DIDO1: variants seen among roughly 807,000 people sequenced by gnomAD.
DIDO1 encodes the protein death inducer-obliterator 1, also known as death-inducer obliterator 1.
In DIDO1, 16 loss-of-function variants were observed where a neutral mutation model predicts 99.4. That is an observed-to-expected ratio of 0.16 (90% CI 0.11 to 0.24). DIDO1 has a LOEUF of 0.24. Among genes scored for constraint, DIDO1 ranks in the 10% least tolerant of loss-of-function variants. DIDO1 has a pLI of 1.00. For missense variants in DIDO1, 2,996 were observed against 3,014.0 expected (o/e 0.99, Z 0.14); for synonymous variants, 1,366 against 1,239.1 (o/e 1.10, Z -2.15).
intron 1 of DIDO1, among the ~76,000 whole-genome samples, chr20:62,923,115 C>T (rs1167600412): frequency 6.6e-6 from 1 of 152,100 alleles, no homozygotes; most frequent in Non-Finnish European, 1.5e-5. Context: ...GGTCCTCTGG[C>T]CTCTGGCCTC....
chr20:62,889,469 G>A lies in DIDO1; in HGVS notation c.3541+1491C>T, dbSNP rs150988883. On this transcript the variant is annotated intron_variant, in intron 15 of 15. Transcript: ENST00000395343. The stretch of plus-strand genomic sequence containing the variant: ...CAATTGTTTTAAAAAGGGGAGGCTC[G>A]CTATCTAAGAATCATGTTTCTGTAA... 2.7e-4 allele frequency: 266 copies of A among 985,470 alleles called. No individual in the cohort carries two copies. In the African/African-American group the frequency reaches 4.1e-3, roughly 15 times the overall value. 61.0% of individuals were successfully genotyped at this position (985,470 alleles called of 1,614,324 possible).
Position 62,881,210 on chromosome 20 carries a change from C to G in DIDO1, c.4746G>C (p.Ser1582=), listed in dbSNP as rs372820550. The change falls in exon 16 of 16, where the codon TCG becomes TCC. Residue 1582 remains serine, a synonymous_variant. Transcript: ENST00000395343. The surrounding 1 kb of genome is among the most constrained non-coding windows in gnomAD (Gnocchi z 8.3). ...GCAGGGCACCCTGGGCACCACGTGC[C>G]GAGAGCCTGGAGAGAGGCTCCCCCT... ...EGEGEPLSRL[S]ARGAQGALPE... The G allele has an allele frequency of 4.9e-5, 78 of 1,605,688 alleles. 1 individual carries two copies. Among genetic ancestry groups the G allele is most frequent in the East Asian group, 3.3e-4 (15 of 44,834 alleles).
chr20:62,905,429 T>A, intron 6 of DIDO1: 1 of 1,501,030 alleles, frequency 6.7e-7, no homozygotes, highest in East Asian at 2.5e-5. Flanking sequence ...TCCCACAACA[T>A]AAAAAAGAAG....
At chr20:62,933,234 G>T (rs1271520324) in intron 1 of DIDO1, among the ~76,000 whole-genome samples, 1 of 152,004 alleles carries the variant, frequency 6.6e-6, no homozygotes, top group African/African-American at 2.4e-5. Flanking sequence ...AACAACAAAA[G>T]AATATGTGCA....
rs764732094 is a variant in DIDO1 at position 62,879,815 on chromosome 20, G to C, written c.6141C>G (p.Pro2047=). ...RKDRWEEAGP[P]SALSSSAPGQ... is the part of the protein sequence containing the mutation. ...CGGGCGCACTGGAGGAGAGCGCGGA[G>C]GGCGGCCCGGCCTCCTCCCAGCGGT... is the stretch of plus-strand genomic sequence containing the variant. Residue 2047 remains proline, a synonymous_variant, in exon 16 of 16, where the codon CCC becomes CCG. Coordinates refer to ENST00000395343, the MANE Select transcript of DIDO1 (RefSeq NM_001193369.2). This position sits in a 1 kb window ranked among gnomAD's most constrained non-coding sequence, Gnocchi z 6.3. 2 of 1,609,712 alleles carry C rather than the reference G, an allele frequency of 1.2e-6. No individual in the cohort carries two copies. The highest frequency in any genetic ancestry group is 1.7e-5 in the Admixed American group (1 of 59,852).
At chr20:62,907,064 C>A (rs538694477) in intron 5 of DIDO1, 83 bp downstream of exon 5, 4 of 1,448,850 alleles carry the variant, frequency 2.8e-6, no homozygotes, top group African/African-American at 2.8e-5. Flanking sequence ...CACCCCCACA[C>A]GGTCTACAAA....
chr20:62,935,564 G>A (rs981941466), intron 1 of DIDO1, among the ~76,000 whole-genome samples: 5 of 152,186 alleles, frequency 3.3e-5, no homozygotes, highest in Admixed American at 2.6e-4. Flanking sequence ...GAGGTGAGCA[G>A]GAGTTAGCCT....
Position 62,905,298 on chromosome 20 carries a change from G to GAAGTTCT in DIDO1, c.1588+588_1588+589insAGAACTT, listed in dbSNP as rs2064776310. 2.1e-6 allele frequency: 3 copies of GAAGTTCT among 1,398,602 alleles called. No homozygotes were observed. The Admixed American group carries it at 8.9e-5, about 41-fold the overall frequency. The allele number at this position is 1,398,602 out of a possible 1,614,324, so 86.6% of individuals were successfully genotyped here. Reference sequence around the variant, plus strand: ...CAGGAGTGTGTGGCCTTCGAAGTTCGAATGTGTTCATGTGGGTGTGTAGCG... The same window carrying GAAGTTCT: ...CAGGAGTGTGTGGCCTTCGAAGTTCGAAGTTCTAATGTGTTCATGTGGGTGTGTAGCG... On this transcript the variant is annotated intron_variant, in intron 6 of 15. Transcript: ENST00000395343.
At chr20:62,884,747 G>A (rs1446173794) in intron 15 of DIDO1, among the ~76,000 whole-genome samples, 1 of 152,166 alleles carries the variant, frequency 6.6e-6, no homozygotes, top group Non-Finnish European at 1.5e-5. Flanking sequence ...GAGGACCAAA[G>A]GCCTCTTCCT....
At chr20:62,889,154 A>G in intron 15 of DIDO1, 1 of 985,462 alleles carries the variant, frequency 1.0e-6, no homozygotes, top group Non-Finnish European at 1.2e-6. Context: ...AGACAAGGTG[A>G]GTGACCCCAG....
intron 15 of DIDO1, among the ~76,000 whole-genome samples, chr20:62,883,002 AAC>A (rs1230753278): frequency 7.6e-6 from 1 of 132,342 alleles, no homozygotes; most frequent in Non-Finnish European, 1.5e-5. Context: ...GGCTCACTAT[AAC>A]CTCTGCTTTC....
intron 15 of DIDO1, among the ~76,000 whole-genome samples, chr20:62,882,816 C>T (rs1238733026): frequency 6.6e-6 from 1 of 151,874 alleles, no homozygotes; most frequent in Non-Finnish European, 1.5e-5. Flanking sequence ...TGGTGTGAGC[C>T]TGCAGGGTGA....
chr20:62,890,120 G>A (rs539862627), intron 15 of DIDO1: 1 of 986,030 alleles, frequency 1.0e-6, no homozygotes, highest in East Asian at 1.1e-4. Flanking sequence ...AGGGCACTGA[G>A]GCACAGGGTC....
intron 6 of DIDO1, among the ~76,000 whole-genome samples, chr20:62,903,886 C>T (rs1459378622): frequency 6.6e-6 from 1 of 152,108 alleles, no homozygotes; most frequent in African/African-American, 2.4e-5. Flanking sequence ...GTCAGAGTAC[C>T]CCGCTATGGG....
Position 62,911,542 on chromosome 20 carries a change from C to T in DIDO1, c.71G>A (p.Arg24Lys), listed in dbSNP as rs1302823033. The change falls in exon 3 of 16, where the codon AGG becomes AAG. Residue 24 changes from arginine (R) to lysine (K), a missense_variant. Physicochemically the swap from Arg to Lys is conservative, Grantham distance 26. Transcript: ENST00000395343. The surrounding 1 kb of genome is among the most constrained non-coding windows in gnomAD (Gnocchi z 7.0). ...GGTCCTTCGAAAACCCCATGTTTTC[C>T]TGAACTCTTTGCTGGTGGGTTTGAT... is the stretch of plus-strand genomic sequence containing the variant. ...KAIKPTSKEF[R>K]KTWGFRRTTI... The T allele has an allele frequency of 6.2e-7, 1 of 1,612,224 alleles. No individual in the cohort carries two copies. Among genetic ancestry groups the T allele is most frequent in the Admixed American group, 1.7e-5 (1 of 59,740 alleles).
chr20:62,931,218 A>T (rs1290447854), upstream of DIDO1, among the ~76,000 whole-genome samples: 2 of 152,160 alleles, frequency 1.3e-5, no homozygotes, highest in Non-Finnish European at 2.9e-5. Flanking sequence ...CGAAGGCATG[A>T]GCCACAGTGC....
intron 13 of DIDO1, among the ~76,000 whole-genome samples, chr20:62,892,313 A>ACTT (rs1260751871): frequency 6.6e-6 from 1 of 152,142 alleles, no homozygotes; most frequent in Non-Finnish European, 1.5e-5. Context: ...ACTGCCCAAC[A>ACTT]CTTCTATGCT....
chr20:62,899,130 G>C (rs1378636195), intron 6 of DIDO1, among the ~76,000 whole-genome samples: 1 of 152,328 alleles, frequency 6.6e-6, no homozygotes, highest in East Asian at 1.9e-4. Context: ...CAGGAACCAA[G>C]CCCCGGTCTC....
rs139738036 is a variant in DIDO1 at position 62,896,357 on chromosome 20, T to C, written c.2090A>G (p.Asn697Ser). 3.1e-6 allele frequency: 5 copies of C among 1,614,176 alleles called. No individual in the cohort carries two copies. The Admixed American group carries it at 6.7e-5, about 22-fold the overall frequency. Residue 697 changes from asparagine to serine, a missense_variant, in exon 8 of 16, where the codon AAC (asparagine) becomes AGC (serine). Transcript: ENST00000395343. This position sits in a 1 kb window ranked among gnomAD's most constrained non-coding sequence, Gnocchi z 4.4. ...NDSDDLIMTE[N>S]EVGKIALHIE... is the part of the protein sequence containing the mutation. ...ATGGAGGGCAATTTTTCCTACTTCG[T>C]TTTCTGTCATGATTAAGTCATCGCT... is the stretch of plus-strand genomic sequence containing the variant.
Sources: allele counts gnomAD v4.1 joint callset (sites outside exome capture counted in the v4.1 genomes callset), GRCh38; gene constraint gnomAD v4.1.1; non-coding constraint Gnocchi (gnomAD v3.1); transcripts MANE v1.5; gene names NCBI Gene and HGNC (gene_info 2026-07-23, HGNC 2026-07-21).